MIA2: variants seen among roughly 807,000 people sequenced by gnomAD.
MIA2 encodes the protein melanoma inhibitory activity protein 2.
In MIA2, 127 loss-of-function variants were observed where a neutral mutation model predicts 167.8. The ratio of observed to expected loss-of-function variants is 0.76; its 90% CI spans 0.66 to 0.88. The LOEUF (loss-of-function observed/expected upper bound fraction) is 0.88, where lower values mean the gene tolerates loss of function less well. MIA2 is among the 40% of genes least tolerant of loss of function. MIA2 has a pLI of 0.00. For missense variants in MIA2, 1,690 were observed against 1,624.7 expected (o/e 1.04, Z -0.69); for synonymous variants, 552 against 541.9 (o/e 1.02, Z -0.26).
In MIA2 at chr14:39,294,072, G is replaced by A. The variant is rs759105442; in HGVS notation, c.2391+1G>A. 2 of 1,603,534 alleles carry A rather than the reference G, an allele frequency of 1.2e-6. No individual in the cohort carries two copies. The highest frequency in any genetic ancestry group is 1.7e-6 in the Non-Finnish European group (2 of 1,172,954). On this transcript the variant is annotated splice_donor_variant, in intron 12 of 28. Coordinates refer to ENST00000640607, the MANE Select transcript of MIA2 (RefSeq NM_001329214.4). LOFTEE classifies it high-confidence loss of function. ...ATCCCTCAAATCACAAGTAGCTGAAGTAAGTTGAATTAGTCTAGTAGGTCT... is the reference window on the plus strand; with the variant it reads ...ATCCCTCAAATCACAAGTAGCTGAAATAAGTTGAATTAGTCTAGTAGGTCT...
At position 39,281,690 on chromosome 14, in the gene MIA2, C is replaced by T. The variant is rs149024706; in HGVS notation, c.2130+2153C>T. Among the ~76,000 whole-genome samples, 677 of 150,612 alleles carry T rather than the reference C, an allele frequency of 4.5e-3. 5 individuals are homozygous for T. Among genetic ancestry groups the T allele is most frequent in the Non-Finnish European group, 7.4e-3 (505 of 67,810 alleles). ...GGAGTGGAGTGCAGTAGCGCGACCTCGGCTCACTGCAACCTCTGCCTCCCA... is the reference window on the plus strand; with the variant it reads ...GGAGTGGAGTGCAGTAGCGCGACCTTGGCTCACTGCAACCTCTGCCTCCCA... On this transcript the variant is annotated intron_variant, in intron 9 of 28. Coordinates refer to ENST00000640607, the MANE Select transcript of MIA2 (RefSeq NM_001329214.4).
intron 23 of MIA2, among the ~76,000 whole-genome samples, chr14:39,360,245 T>C (rs1469272576): frequency 6.6e-6 from 1 of 152,208 alleles, no homozygotes; most frequent in African/African-American, 2.4e-5. Context: ...GAGGTTGCAG[T>C]GAGCCAAGAT....
chr14:39,366,100 T>C (rs1394982171), intron 23 of MIA2, among the ~76,000 whole-genome samples: 1 of 152,100 alleles, frequency 6.6e-6, no homozygotes, highest in Non-Finnish European at 1.5e-5. Flanking sequence ...GCAGCTTCAG[T>C]GGTGTTTGTG....
At chr14:39,270,134 G>A (rs549514736) in intron 6 of MIA2, among the ~76,000 whole-genome samples, 1 of 149,722 alleles carries the variant, frequency 6.7e-6, no homozygotes, top group South Asian at 2.1e-4. Flanking sequence ...GTGATTTTCT[G>A]TTTTCTTTTG....
intron 7 of MIA2, among the ~76,000 whole-genome samples, chr14:39,277,611 A>AGTC (rs1224056804): frequency 7.3e-6 from 1 of 136,742 alleles, no homozygotes; most frequent in Non-Finnish European, 1.6e-5. Flanking sequence ...GGCCTCCCAA[A>AGTC]GTCTTGGGAT....
Position 39,286,655 on chromosome 14 carries a change from G to C in MIA2, c.2131-4364G>C, listed in dbSNP as rs140801785. ...CAGATAATTTTACTTCTCTGATTTG[G>C]ATATCTTTTCTTTCCTTATCCTTCT... is the stretch of plus-strand genomic sequence containing the variant. On this transcript the variant is annotated intron_variant, in intron 9 of 28. Transcript: ENST00000640607. Among the ~76,000 whole-genome samples, 979 of 150,108 alleles carry C rather than the reference G, an allele frequency of 6.5e-3. 4 individuals carry two copies. The highest frequency in any genetic ancestry group is 0.011 in the Non-Finnish European group (722 of 67,574).
chr14:39,326,181 G>A (rs544869837), intron 24 of MIA2, among the ~76,000 whole-genome samples: 3 of 152,192 alleles, frequency 2.0e-5, no homozygotes, highest in Non-Finnish European at 4.4e-5. Context: ...TGAAACTATC[G>A]TTTTAGACTT....
intron 3 of MIA2, among the ~76,000 whole-genome samples, chr14:39,242,450 G>T (rs2054089697): frequency 6.6e-6 from 1 of 151,774 alleles, no homozygotes; most frequent in Non-Finnish European, 1.5e-5. Context: ...AGCCTTCCAA[G>T]TAGCTGGGAT....
chr14:39,365,081 T>G (rs2074789418), intron 23 of MIA2, among the ~76,000 whole-genome samples: 1 of 152,102 alleles, frequency 6.6e-6, no homozygotes, highest in Non-Finnish European at 1.5e-5. Context: ...GTTGTTTTTT[T>G]TTGTGATGGA....
intron 17 of MIA2, among the ~76,000 whole-genome samples, chr14:39,307,647 C>T (rs527977723): frequency 2.6e-4 from 40 of 152,026 alleles, no homozygotes; most frequent in East Asian, 1.2e-3. Context: ...TGATCCACCC[C>T]CTTCGGCCTT....
At chr14:39,358,146 G>A (rs1328192106) in intron 23 of MIA2, among the ~76,000 whole-genome samples, 1 of 152,148 alleles carries the variant, frequency 6.6e-6, no homozygotes, top group African/African-American at 2.4e-5. Context: ...CCTGCAGAGT[G>A]TTTTCCAACT....
intron 12 of MIA2, among the ~76,000 whole-genome samples, 190 bp downstream of exon 12, chr14:39,294,261 G>T (rs774655667): frequency 2.6e-5 from 4 of 151,588 alleles, no homozygotes; most frequent in Non-Finnish European, 5.9e-5. Flanking sequence ...ATAGCAGCAC[G>T]ATCTTGGCTC....
intron 23 of MIA2, among the ~76,000 whole-genome samples, chr14:39,357,124 G>A (rs573299131): frequency 1.3e-4 from 20 of 152,194 alleles, no homozygotes; most frequent in African/African-American, 4.6e-4. Context: ...TTTCTGTCTC[G>A]TTGATCTGTC....
At chr14:39,267,277 G>A in intron 6 of MIA2, 9 of 1,444,430 alleles carry the variant, frequency 6.2e-6, no homozygotes, top group African/African-American at 2.9e-5. Flanking sequence ...GGGCAGCGTA[G>A]GCCTGTGAGG....
chr14:39,327,047 T>C, intron 25 of MIA2, 25 bp downstream of exon 25: 1 of 1,436,838 alleles, frequency 7.0e-7, no homozygotes, highest in Non-Finnish European at 9.2e-7. Context: ...TAGTTATTAT[T>C]TCTCTTTGAA....
intron 25 of MIA2, among the ~76,000 whole-genome samples, chr14:39,331,072 C>G (rs1318480606): frequency 6.6e-6 from 1 of 152,018 alleles, no homozygotes; most frequent in African/African-American, 2.4e-5. Context: ...AAGTCTCCCA[C>G]TATTATTGTG....
chr14:39,285,713 T>C (rs1337342225), intron 9 of MIA2, among the ~76,000 whole-genome samples: 10 of 42,608 alleles, frequency 2.3e-4, no homozygotes, highest in South Asian at 7.7e-4. Flanking sequence ...GAGACGCTCC[T>C]CACTTCCCAG....
At chr14:39,246,518 G>A (rs2054319708) in intron 3 of MIA2, among the ~76,000 whole-genome samples, 1 of 152,078 alleles carries the variant, frequency 6.6e-6, no homozygotes, top group Admixed American at 6.5e-5. Flanking sequence ...AGAAGTTCAA[G>A]TTCAGCCTGG....
chr14:39,349,125 A>T (rs1284244154), intron 28 of MIA2, 148 bp downstream of exon 28: 2 of 1,055,018 alleles, frequency 1.9e-6, no homozygotes, highest in African/African-American at 3.2e-5. Flanking sequence ...ACTTTTCCGA[A>T]TTGGGAAGGC....
Sources: allele counts gnomAD v4.1 joint callset (sites outside exome capture counted in the v4.1 genomes callset), GRCh38; gene constraint gnomAD v4.1.1; transcripts MANE v1.5; gene names NCBI Gene and HGNC (gene_info 2026-07-23, HGNC 2026-07-21).